DPP8: variants seen among roughly 807,000 people sequenced by gnomAD.
DPP8 encodes the protein dipeptidyl peptidase 8.
DPP8 carries 31 observed loss-of-function variants against 107.5 expected under a neutral mutation model. The ratio of observed to expected loss-of-function variants is 0.29; its 90% CI spans 0.22 to 0.39. The LOEUF is 0.39. Ranked by LOEUF, DPP8 falls within the 10% of genes least tolerant of loss-of-function variation. DPP8 has a pLI of 1.00. For synonymous variants in DPP8, 381 were observed against 356.6 expected (o/e 1.07, Z -0.77); for missense variants, 842 against 1,076.1 (o/e 0.78, Z 3.04).
chr15:65,446,755 T>C lies in DPP8; in HGVS notation c.*129A>G. The C allele has an allele frequency of 1.1e-6, 1 of 945,864 alleles. No individual in the cohort carries two copies. The highest frequency in any genetic ancestry group is 2.0e-5 in the South Asian group (1 of 50,222). The allele number at this position is 945,864 out of a possible 1,614,324, so 58.6% of individuals were successfully genotyped here. A position where few individuals can be genotyped will look rare whatever the true frequency, so the allele number is the denominator to read the frequency against. On this transcript the variant is annotated 3_prime_UTR_variant, in exon 20 of 20. Coordinates refer to ENST00000300141, the MANE Select transcript of DPP8 (RefSeq NM_130434.5). Reference sequence around the variant, plus strand: ...GTAGACCCCTGCATGGCACCACATTTATTTTCAGGAGTAGATGTTACATGG... The same window carrying C: ...GTAGACCCCTGCATGGCACCACATTCATTTTCAGGAGTAGATGTTACATGG...
rs1317970301 is a variant in DPP8, at chr15:65,481,627, G to T, written c.1018-12C>A. 13 of 1,229,190 alleles carry T rather than the reference G, an allele frequency of 1.1e-5. No homozygotes were observed. The highest frequency in any genetic ancestry group is 1.5e-5 in the Non-Finnish European group (13 of 886,580). The allele number at this position is 1,229,190 out of a possible 1,614,324, so 76.1% of individuals were successfully genotyped here. A position where few individuals can be genotyped will look rare whatever the true frequency, so the allele number is the denominator to read the frequency against. Reference sequence around the variant, plus strand: ...ATGACATCTATGATCTATTAAAAAAGAAAAAAAAAGAATCTAGTTATAGAA... The same window carrying T: ...ATGACATCTATGATCTATTAAAAAATAAAAAAAAAGAATCTAGTTATAGAA... On this transcript the variant is annotated splice_polypyrimidine_tract_variant and intron_variant, in intron 8 of 19. Transcript: ENST00000300141.
chr15:65,495,921 T>A (rs1476584846), intron 5 of DPP8, among the ~76,000 whole-genome samples: 2 of 151,732 alleles, frequency 1.3e-5, no homozygotes, highest in Non-Finnish European at 2.9e-5. Flanking sequence ...AAAACAAACT[T>A]GAGAGAATAT....
At chr15:65,497,455 T>G (rs1250754966) in intron 5 of DPP8, among the ~76,000 whole-genome samples, 1 of 151,962 alleles carries the variant, frequency 6.6e-6, no homozygotes, top group Non-Finnish European at 1.5e-5. Flanking sequence ...GGTGTCACCA[T>G]GTTGCCCATC....
chr15:65,512,015 C>CT (rs1013473133), intron 2 of DPP8: 1 of 563,536 alleles, frequency 1.8e-6, no homozygotes, highest in African/African-American at 1.9e-5. Context: ...ATCAGACCAT[C>CT]TAAAGAAAGG....
At chr15:65,476,653 A>T (rs2066415707) in intron 11 of DPP8, among the ~76,000 whole-genome samples, 1 of 152,158 alleles carries the variant, frequency 6.6e-6, no homozygotes, top group African/African-American at 2.4e-5. Context: ...AAAAACTGAA[A>T]ATAGAATTAC....
At position 65,497,983 on chromosome 15, in the gene DPP8, C is replaced by T. The variant is rs139983530; in HGVS notation, c.596G>A (p.Arg199Gln). 5 of 1,610,096 alleles carry T rather than the reference C, an allele frequency of 3.1e-6. No individual in the cohort carries two copies. The highest frequency in any genetic ancestry group is 4.2e-6 in the Non-Finnish European group (5 of 1,177,670). ...AGCAGGGCATAATTTTGGATCCATC[C>T]GTATGTTGGGACAACTAGTTTCCAC... ...NLVETSCPNIRMDPKLCPADP... is the reference protein window; with the variant it reads ...NLVETSCPNIQMDPKLCPADP... The change falls in exon 5 of 20, where the codon CGG becomes CAG. Residue 199 changes from arginine to glutamine, a missense_variant. By Grantham distance (43) the Arg-to-Gln change is conservative. This residue lies in a region of DPP8 where 663 missense variants were observed against 758.0 expected (regional missense o/e 0.87). Coordinates refer to ENST00000300141, the MANE Select transcript of DPP8 (RefSeq NM_130434.5).
At position 65,517,626 on chromosome 15, in the gene DPP8, C is replaced by G. The variant is rs2071623069; in HGVS notation, c.-152G>C. The G allele has an allele frequency of 6.6e-6, 1 of 152,604 alleles. No individual in the cohort carries two copies. Among genetic ancestry groups the G allele is most frequent in the Non-Finnish European group, 1.5e-5 (1 of 68,338 alleles). 9.5% of individuals were successfully genotyped at this position (152,604 alleles called of 1,614,324 possible). A position where few individuals can be genotyped will look rare whatever the true frequency, so the allele number is the denominator to read the frequency against. Reference sequence around the variant, plus strand: ...CGCCGGTGACAACCCAGGCGGCGAACGCGGCACTAAGAAGCAGCGGCGGCA... The same window carrying G: ...CGCCGGTGACAACCCAGGCGGCGAAGGCGGCACTAAGAAGCAGCGGCGGCA... On this transcript the variant is annotated 5_prime_UTR_variant, in exon 1 of 20. Coordinates refer to ENST00000300141, the MANE Select transcript of DPP8 (RefSeq NM_130434.5).
At chr15:65,465,740 T>G (rs555121223) in intron 14 of DPP8, among the ~76,000 whole-genome samples, 71 of 151,562 alleles carry the variant, frequency 4.7e-4, no homozygotes, top group Non-Finnish European at 2.4e-4. Flanking sequence ...TATTTTTTAA[T>G]AGAGACAGGG....
intron 7 of DPP8, among the ~76,000 whole-genome samples, chr15:65,485,989 G>C (rs950643670): frequency 5.2e-4 from 79 of 151,646 alleles, no homozygotes; most frequent in African/African-American, 1.9e-3. Flanking sequence ...AGCTACTCAG[G>C]GGGCTGAGGC....
intron 14 of DPP8, among the ~76,000 whole-genome samples, chr15:65,465,165 TTC>T (rs2065235794): frequency 6.7e-6 from 1 of 149,474 alleles, no homozygotes; most frequent in Non-Finnish European, 1.5e-5. Flanking sequence ...AATTTGTTTT[TTC>T]TTTTTTTTTT....
At chr15:65,486,065 G>C (rs1371985264) in intron 7 of DPP8, among the ~76,000 whole-genome samples, 1 of 145,402 alleles carries the variant, frequency 6.9e-6, no homozygotes, top group Non-Finnish European at 1.5e-5. Context: ...CTGCATTCCA[G>C]CCTGGGCGAC....
chr15:65,468,693 A>G (rs1212550253), intron 12 of DPP8, among the ~76,000 whole-genome samples: 1 of 152,180 alleles, frequency 6.6e-6, no homozygotes, highest in Non-Finnish European at 1.5e-5. Context: ...AAGCATACAA[A>G]TGATAGGAAA....
At chr15:65,476,920 G>A (rs2066439444) in intron 11 of DPP8, among the ~76,000 whole-genome samples, 1 of 152,144 alleles carries the variant, frequency 6.6e-6, no homozygotes, top group African/African-American at 2.4e-5. Flanking sequence ...AGGACATTAT[G>A]CTACGTAAAC....
At chr15:65,457,702 A>G (rs1279239096) in intron 15 of DPP8, among the ~76,000 whole-genome samples, 1 of 152,216 alleles carries the variant, frequency 6.6e-6, no homozygotes, top group Non-Finnish European at 1.5e-5. Flanking sequence ...CCTGTTTGCT[A>G]AATGAATGAA....
rs764327276 is a variant in DPP8, at chr15:65,446,956, A to G, written c.2577T>C (p.His859=). Reference sequence around the variant, plus strand: ...GGTAGTGCAAAAGATGCAGTTCATAATGTTCTCCCGATTCAGGAACTCTTA... The same window carrying G: ...GGTAGTGCAAAAGATGCAGTTCATAGTGTTCTCCCGATTCAGGAACTCTTA... ...HSIRVPESGE[H]YELHLLHYLQ... The change falls in exon 20 of 20, where the codon CAT becomes CAC. Residue 859 remains histidine (H), a synonymous_variant. Transcript: ENST00000300141. The G allele has an allele frequency of 2.1e-5, 34 of 1,612,574 alleles. No homozygotes were observed. Among genetic ancestry groups the G allele is most frequent in the Non-Finnish European group, 2.7e-5 (32 of 1,179,130 alleles).
At chr15:65,458,097 T>G (rs2064591017) in intron 15 of DPP8, among the ~76,000 whole-genome samples, 1 of 152,234 alleles carries the variant, frequency 6.6e-6, no homozygotes, top group Non-Finnish European at 1.5e-5. Context: ...TTGCTTGATA[T>G]GAACACTTAA....
At chr15:65,510,099 A>G (rs1359557990) in intron 2 of DPP8, among the ~76,000 whole-genome samples, 1 of 152,044 alleles carries the variant, frequency 6.6e-6, no homozygotes, top group Non-Finnish European at 1.5e-5. Flanking sequence ...AGATTGCTGG[A>G]GCTCAGGAGT....
Position 65,489,133 on chromosome 15 carries a change from TG to T in DPP8, c.826+1055del, listed in dbSNP as rs201198241. 3.0e-3 allele frequency among the ~76,000 whole-genome samples: 456 copies of T among 152,038 alleles called. 2 individuals carry two copies. The highest frequency in any genetic ancestry group is 0.01 in the African/African-American group (431 of 41,476). On this transcript the variant is annotated intron_variant, in intron 6 of 19. Transcript: ENST00000300141. ...ATACCACCACACCCAGCTAATTTTT[TG>T]TATTTTAGTAGAGATGGGGTTTCAC...
At chr15:65,496,755 A>G (rs1001978857) in intron 5 of DPP8, among the ~76,000 whole-genome samples, 1 of 150,866 alleles carries the variant, frequency 6.6e-6, no homozygotes, top group Non-Finnish European at 1.5e-5. Context: ...GGCTTGAGTG[A>G]TCCTCCTCCC....
Sources: gnomAD v4.1 joint callset for allele counts (sites outside exome capture counted in the v4.1 genomes callset) on GRCh38, gnomAD v4.1.1 for gene constraint, gnomAD v4.1.1 regional missense constraint, MANE v1.5 for transcripts, NCBI Gene and HGNC (gene_info 2026-07-23, HGNC 2026-07-21) for gene names.